The following EYA1 variants were observed in gnomAD, a reference collection of about 807,000 sequenced individuals.
EYA1 encodes the protein EYA transcriptional coactivator and phosphatase 1.
EYA1 carries 16 observed loss-of-function variants against 82.0 expected under a neutral mutation model. The observed-to-expected ratio is 0.20, with a 90% CI of 0.13 to 0.30. The LOEUF (loss-of-function observed/expected upper bound fraction) is 0.30. Ranked by LOEUF, EYA1 falls within the 10% of genes least tolerant of loss-of-function variation. EYA1 has a pLI of 1.00. For synonymous variants in EYA1, 261 were observed against 264.4 expected, an observed-to-expected ratio of 0.99 and a Z score of 0.12; for missense variants, 633 against 730.7, an observed-to-expected ratio of 0.87 and a Z score of 1.54.
At chr8:71,266,007 A>G (rs1586080176) in intron 11 of EYA1, among the ~76,000 whole-genome samples, 1 of 152,178 alleles carries the variant, frequency 6.6e-6, no homozygotes, top group Non-Finnish European at 1.5e-5. Context: ...GGACATTCTC[A>G]AACTTTTTTT....
intron 2 of EYA1, among the ~76,000 whole-genome samples, chr8:71,415,024 T>C (rs1830783388): frequency 1.3e-5 from 2 of 152,170 alleles, no homozygotes; most frequent in Admixed American, 1.3e-4. Context: ...TCAAAACTTG[T>C]AAAACAGAAA....
chr8:71,415,111 G>T (rs966429996), intron 2 of EYA1, among the ~76,000 whole-genome samples: 68 of 152,070 alleles, frequency 4.5e-4, no homozygotes, highest in African/African-American at 1.6e-3. Flanking sequence ...CATCAGCAGT[G>T]GTGTACCGGC....
chr8:71,429,045 G>T (rs1805447150), intron 2 of EYA1, among the ~76,000 whole-genome samples: 1 of 152,148 alleles, frequency 6.6e-6, no homozygotes, highest in African/African-American at 2.4e-5. Flanking sequence ...CTTGATGGAA[G>T]TATTTGGTCA....
At chr8:71,478,699 G>C (rs1215992944) in intron 2 of EYA1, among the ~76,000 whole-genome samples, 4 of 152,142 alleles carry the variant, frequency 2.6e-5, no homozygotes, top group Non-Finnish European at 5.9e-5. Context: ...GGAAATAGCT[G>C]CTGGGCCCTT....
At chr8:71,244,225 TAA>T (rs1439594655) in intron 12 of EYA1, among the ~76,000 whole-genome samples, 1 of 152,170 alleles carries the variant, frequency 6.6e-6, no homozygotes, top group African/African-American at 2.4e-5. Flanking sequence ...CCTAATACAG[TAA>T]GAGTCTGACA....
intron 1 of EYA1, among the ~76,000 whole-genome samples, chr8:71,538,894 C>T (rs1814924449): frequency 1.3e-5 from 2 of 152,110 alleles, no homozygotes; most frequent in South Asian, 4.1e-4. Flanking sequence ...CATTACCAAC[C>T]ATCCCCAACA....
chr8:71,429,705 G>A (rs116325255), intron 2 of EYA1, among the ~76,000 whole-genome samples: 175 of 152,250 alleles, frequency 1.1e-3, no homozygotes, highest in African/African-American at 4.1e-3. Flanking sequence ...CCCAGAATCT[G>A]TCATTCTATT....
chr8:71,348,499 T>C (rs1250845633), intron 3 of EYA1, among the ~76,000 whole-genome samples: 1 of 152,162 alleles, frequency 6.6e-6, no homozygotes, highest in South Asian at 2.1e-4. Context: ...CTATTAGCAA[T>C]TGGAAGTAGG....
chr8:71,207,901 T>C (rs1035167018), intron 17 of EYA1, among the ~76,000 whole-genome samples: 20 of 152,126 alleles, frequency 1.3e-4, no homozygotes, highest in African/African-American at 4.8e-4. Context: ...CACCTTATAA[T>C]TTATTCTTTG....
chr8:71,250,264 T>A (rs2128914618), intron 11 of EYA1, among the ~76,000 whole-genome samples: 1 of 152,344 alleles, frequency 6.6e-6, no homozygotes, highest in East Asian at 1.9e-4. Flanking sequence ...GATCATGAAA[T>A]CCTTTCCTCA....
At chr8:71,447,358 G>A (rs959665210) in intron 2 of EYA1, among the ~76,000 whole-genome samples, 1 of 151,884 alleles carries the variant, frequency 6.6e-6, no homozygotes, top group Non-Finnish European at 1.5e-5. Flanking sequence ...CTCTTCAAAA[G>A]CCTTCTCCAC....
At chr8:71,543,175 T>C (rs991298871) in intron 1 of EYA1, among the ~76,000 whole-genome samples, 1 of 152,192 alleles carries the variant, frequency 6.6e-6, no homozygotes, top group Non-Finnish European at 1.5e-5. Context: ...GTTTTGGGTT[T>C]TACATTTATC....
intron 9 of EYA1, among the ~76,000 whole-genome samples, chr8:71,293,272 T>C (rs946067105): frequency 6.6e-6 from 1 of 152,136 alleles, no homozygotes. Context: ...CTGTACCTAT[T>C]AAAGAAATTG....
chr8:71,522,159 C>T (rs1287936958), intron 2 of EYA1, among the ~76,000 whole-genome samples: 1 of 152,092 alleles, frequency 6.6e-6, no homozygotes, highest in Admixed American at 6.5e-5. Flanking sequence ...AAATTATATG[C>T]TAAACCCAAA....
chr8:71,290,303 A>T (rs1244522090), intron 9 of EYA1, among the ~76,000 whole-genome samples: 1 of 152,188 alleles, frequency 6.6e-6, no homozygotes, highest in Non-Finnish European at 1.5e-5. Context: ...AAAAAACTGA[A>T]CCAGTAAATG....
intron 1 of EYA1, chr8:71,356,881 G>T: frequency 4.8e-6 from 1 of 208,300 alleles, no homozygotes; most frequent in Non-Finnish European, 8.4e-6. Flanking sequence ...CAAAATGATC[G>T]TGTTTAACAG....
intron 11 of EYA1, among the ~76,000 whole-genome samples, chr8:71,259,271 G>A (rs1056963834): frequency 3.4e-4 from 51 of 151,968 alleles, no homozygotes; most frequent in African/African-American, 1.1e-3. Context: ...GGAGATGCCC[G>A]CCCACCACAG....
At chr8:71,379,738 AC>A (rs1828586513) in intron 2 of EYA1, among the ~76,000 whole-genome samples, 3 of 152,150 alleles carry the variant, frequency 2.0e-5, no homozygotes, top group Non-Finnish European at 4.4e-5. Flanking sequence ...CATATCTCTC[AC>A]TTTAAACTCC....
At chr8:71,510,558 G>A (rs1372699206) in intron 2 of EYA1, among the ~76,000 whole-genome samples, 2 of 152,134 alleles carry the variant, frequency 1.3e-5, no homozygotes, top group Admixed American at 6.6e-5. Context: ...AATGAGTGCC[G>A]AGCGAAGGAG....
Sources: gnomAD v4.1 joint callset for allele counts (sites outside exome capture counted in the v4.1 genomes callset) on GRCh38, gnomAD v4.1.1 for gene constraint, MANE v1.5 for transcripts, NCBI Gene and HGNC (gene_info 2026-07-23, HGNC 2026-07-21) for gene names.